The following SLC35F1 variants were observed in gnomAD, a reference collection of about 807,000 sequenced individuals.
SLC35F1 encodes the protein solute carrier family 35 member F1.
SLC35F1 carries 14 observed loss-of-function variants against 48.7 expected under a neutral mutation model. The ratio of observed to expected loss-of-function variants is 0.29; its 90% confidence interval spans 0.19 to 0.45. SLC35F1 has a LOEUF of 0.45. Ranked by LOEUF, SLC35F1 falls within the 20% of genes least tolerant of loss-of-function variation. The probability of loss-of-function intolerance (pLI) is 1.00; values close to 1 mark genes in which losing one functional copy is unlikely to be tolerated. For missense variants in SLC35F1, 404 were observed against 500.0 expected, an observed-to-expected ratio of 0.81 and a Z score of 1.83; for synonymous variants, 190 against 202.2, an observed-to-expected ratio of 0.94 and a Z score of 0.51.
At chr6:118,135,618 G>A (rs1477861346) in intron 1 of SLC35F1, among the ~76,000 whole-genome samples, 3 of 152,178 alleles carry the variant, frequency 2.0e-5, no homozygotes, top group Non-Finnish European at 4.4e-5. Flanking sequence ...TTGGATCTCA[G>A]CATCTGTCTC....
At chr6:117,965,406 GTTC>G (rs1200114847) in intron 1 of SLC35F1, among the ~76,000 whole-genome samples, 3 of 152,212 alleles carry the variant, frequency 2.0e-5, no homozygotes, top group African/African-American at 7.2e-5. Context: ...TCTCTCCTCA[GTTC>G]TTATGAACCC....
chr6:118,078,592 G>A (rs867108774), intron 1 of SLC35F1, among the ~76,000 whole-genome samples: 1 of 152,138 alleles, frequency 6.6e-6, no homozygotes, highest in African/African-American at 2.4e-5. Flanking sequence ...CTTTAGTCTC[G>A]TGGTGGTGGA....
intron 1 of SLC35F1, among the ~76,000 whole-genome samples, chr6:117,992,159 T>G (rs1776927484): frequency 2.6e-5 from 4 of 152,146 alleles, no homozygotes; most frequent in African/African-American, 4.8e-5. Context: ...CAAAAATTTT[T>G]TTCTTTCCTC....
chr6:118,109,105 T>C (rs565996280), intron 1 of SLC35F1, among the ~76,000 whole-genome samples: 1 of 152,206 alleles, frequency 6.6e-6, no homozygotes, highest in African/African-American at 2.4e-5. Context: ...GGAATCATAG[T>C]AGAGGAAAGA....
chr6:118,243,081 G>C (rs1445283323), intron 3 of SLC35F1, among the ~76,000 whole-genome samples: 1 of 152,206 alleles, frequency 6.6e-6, no homozygotes, highest in African/African-American at 2.4e-5. Flanking sequence ...CTAATGTGCA[G>C]TGTGATATCC....
chr6:118,078,339 G>C (rs776649583), intron 1 of SLC35F1, among the ~76,000 whole-genome samples: 2 of 152,094 alleles, frequency 1.3e-5, no homozygotes, highest in Non-Finnish European at 2.9e-5. Flanking sequence ...CAGCAATTTG[G>C]AAAGAGAGGC....
intron 1 of SLC35F1, among the ~76,000 whole-genome samples, chr6:117,997,238 GAAAC>G (rs1777007724): frequency 6.6e-6 from 1 of 152,288 alleles, no homozygotes; most frequent in African/African-American, 2.4e-5. Context: ...AGAATAAAAA[GAAAC>G]AAACAAAGCC....
At chr6:118,098,832 A>G (rs1026580250) in intron 1 of SLC35F1, among the ~76,000 whole-genome samples, 1 of 152,156 alleles carries the variant, frequency 6.6e-6, no homozygotes, top group African/African-American at 2.4e-5. Flanking sequence ...ATTTTTATAT[A>G]TATTTTATTT....
At position 117,923,701 on chromosome 6, in the gene SLC35F1, A is replaced by ACATATACATATGTATATATGTG. The variant is rs1562238819; in HGVS notation, c.173+15802_173+15803insCATATACATATGTATATATGTG. ...TACATATATACATATGTACATATAC[A>ACATATACATATGTATATATGTG]TATATGTACATATATACATATATAC... On this transcript the variant is annotated intron_variant, in intron 1 of 7. Coordinates refer to ENST00000360388, the MANE Select transcript of SLC35F1 (RefSeq NM_001029858.4). 1.1e-4 allele frequency among the ~76,000 whole-genome samples: 2 copies of ACATATACATATGTATATATGTG among 17,488 alleles called. 1 individual carries two copies. The highest frequency in any genetic ancestry group is 3.7e-4 in the African/African-American group (2 of 5,376). 11.5% of individuals were successfully genotyped at this position (17,488 alleles called of 152,430 possible). A position where few individuals can be genotyped will look rare whatever the true frequency, so the allele number is the denominator to read the frequency against.
chr6:118,193,034 C>G (rs1045899577), intron 2 of SLC35F1, among the ~76,000 whole-genome samples: 3 of 152,082 alleles, frequency 2.0e-5, no homozygotes, highest in African/African-American at 7.2e-5. Flanking sequence ...GAAGACTTAG[C>G]TTTCCAAAAA....
intron 1 of SLC35F1, among the ~76,000 whole-genome samples, chr6:118,010,633 C>A (rs945024857): frequency 6.6e-6 from 1 of 152,176 alleles, no homozygotes; most frequent in African/African-American, 2.4e-5. Flanking sequence ...TAGGCACAGT[C>A]CACTCATGTT....
intron 2 of SLC35F1, among the ~76,000 whole-genome samples, chr6:118,177,570 C>T (rs535773610): frequency 2.0e-5 from 3 of 152,072 alleles, no homozygotes; most frequent in East Asian, 3.9e-4. Context: ...GAACCTTGGG[C>T]GGGGACTGAT....
At chr6:118,127,805 C>G (rs1773649772) in intron 1 of SLC35F1, among the ~76,000 whole-genome samples, 5 of 151,550 alleles carry the variant, frequency 3.3e-5, no homozygotes, top group Admixed American at 1.3e-4. Context: ...CCAAAATTGA[C>G]AAATGGGATC....
chr6:118,060,105 G>T (rs1445056231), intron 1 of SLC35F1, among the ~76,000 whole-genome samples: 1 of 152,152 alleles, frequency 6.6e-6, no homozygotes, highest in African/African-American at 2.4e-5. Context: ...ATGGACTTTA[G>T]CACCAGACTT....
chr6:118,030,061 T>C (rs1317500532), intron 1 of SLC35F1, among the ~76,000 whole-genome samples: 2 of 152,114 alleles, frequency 1.3e-5, no homozygotes, highest in Non-Finnish European at 2.9e-5. Flanking sequence ...AAGTGGTCAA[T>C]TGTAAGGCTG....
chr6:118,019,489 G>T (rs1190451927), intron 1 of SLC35F1, among the ~76,000 whole-genome samples: 1 of 152,168 alleles, frequency 6.6e-6, no homozygotes, highest in Non-Finnish European at 1.5e-5. Context: ...GGGCGTGGTG[G>T]TGTATGCCTA....
chr6:118,086,347 T>G (rs1189262499), intron 1 of SLC35F1, among the ~76,000 whole-genome samples: 1 of 152,198 alleles, frequency 6.6e-6, no homozygotes, highest in Non-Finnish European at 1.5e-5. Flanking sequence ...TTCTCAAAGG[T>G]CAGTGTCAGC....
intron 2 of SLC35F1, among the ~76,000 whole-genome samples, chr6:118,195,568 C>T (rs1774789989): frequency 6.6e-6 from 1 of 152,044 alleles, no homozygotes; most frequent in African/African-American, 2.4e-5. Context: ...ACAAAAATCC[C>T]TGTGAATTTT....
chr6:118,054,996 C>A (rs987379242), intron 1 of SLC35F1, among the ~76,000 whole-genome samples: 2 of 152,118 alleles, frequency 1.3e-5, no homozygotes, highest in African/African-American at 4.8e-5. Context: ...AGGATGGTCT[C>A]GATCTCCTGA....
Sources: gnomAD v4.1 joint callset for allele counts (sites outside exome capture counted in the v4.1 genomes callset) on GRCh38, gnomAD v4.1.1 for gene constraint, MANE v1.5 for transcripts, NCBI Gene and HGNC (gene_info 2026-07-23, HGNC 2026-07-21) for gene names.